Variants in HAVCR2 observed in about 807,000 individuals in gnomAD.
HAVCR2 encodes T cell immunoglobulin mucin 3.
In HAVCR2, 13 loss-of-function variants were observed where a neutral mutation model predicts 24.7. That is an observed-to-expected ratio of 0.53 (90% CI 0.34 to 0.84). The LOEUF (loss-of-function observed/expected upper bound fraction) is 0.84. Ranked by LOEUF, HAVCR2 falls within the 40% of genes least tolerant of loss-of-function variation. The pLI is 0.01. For missense variants in HAVCR2, 343 were observed against 371.2 expected (o/e 0.92, Z 0.62); for synonymous variants, 154 against 143.4 (o/e 1.07, Z -0.53).
chr5:157,095,537 G>A, intron 4 of HAVCR2, 78 bp from the exon 5 acceptor site: 1 of 1,508,676 alleles, frequency 6.6e-7, no homozygotes, highest in Non-Finnish European at 9.2e-7. Flanking sequence ...TTTGTGAATT[G>A]GACCATCCCT....
intron 1 of HAVCR2, chr5:157,107,206 G>C (rs1335034619): frequency 1.2e-5 from 6 of 489,028 alleles, no homozygotes; most frequent in Non-Finnish European, 1.5e-5. Context: ...GCCTGTGGTA[G>C]AGCCTGAGAA....
intron 5 of HAVCR2, 104 bp from the exon 6 acceptor site, chr5:157,089,081 G>GATGAGACCAGATT: frequency 2.1e-6 from 2 of 952,844 alleles, no homozygotes; most frequent in Non-Finnish European, 3.2e-6. Context: ...GGGAAATCTG[G>GATGAGACCAGATT]TCTCATCTCA....
intron 1 of HAVCR2, among the ~76,000 whole-genome samples, chr5:157,108,396 A>G (rs1210016882): frequency 1.3e-5 from 2 of 152,176 alleles, no homozygotes; most frequent in Non-Finnish European, 2.9e-5. Context: ...AGGCAGGAGA[A>G]TCACTTGAAC....
chr5:157,086,203 C>T lies in HAVCR2; in HGVS notation c.*899G>A, dbSNP rs1332613652. On this transcript the variant is annotated 3_prime_UTR_variant, in exon 7 of 7. Coordinates refer to ENST00000307851, the MANE Select transcript of HAVCR2 (RefSeq NM_032782.5). ...CCTGGGAGCTCCTGCCACATCTCAGCCCTGCAGGGCAGTCTTCATAAGGGA... is the reference window on the plus strand; with the variant it reads ...CCTGGGAGCTCCTGCCACATCTCAGTCCTGCAGGGCAGTCTTCATAAGGGA... The T allele has an allele frequency of 6.6e-6, 1 of 152,256 alleles. No homozygotes were observed. The allele number at this position is 152,256 out of a possible 1,614,324, so 9.4% of individuals were successfully genotyped here. A position where few individuals can be genotyped will look rare whatever the true frequency, so the allele number is the denominator to read the frequency against.
At chr5:157,099,325 C>T (rs1433927202) in intron 3 of HAVCR2, among the ~76,000 whole-genome samples, 2 of 151,960 alleles carry the variant, frequency 1.3e-5, no homozygotes, top group Non-Finnish European at 2.9e-5. Context: ...GGCATAATCT[C>T]AGCTCACCGC....
chr5:157,098,936 AATAGCCAATAGT>A, intron 3 of HAVCR2, 35 bp from the exon 4 acceptor site: 1 of 1,584,446 alleles, frequency 6.3e-7, no homozygotes, highest in South Asian at 1.1e-5. Flanking sequence ...AGAGAGGAAA[AATAGCCAATAGT>A]ATAGTTAAGA....
chr5:157,103,073 A>G (rs532981785), intron 3 of HAVCR2, among the ~76,000 whole-genome samples: 16 of 151,804 alleles, frequency 1.1e-4, no homozygotes, highest in Non-Finnish European at 1.9e-4. Flanking sequence ...TGATGTAGTA[A>G]AAAGTACTGG....
At chr5:157,102,901 C>T (rs1401339502) in intron 3 of HAVCR2, among the ~76,000 whole-genome samples, 3 of 147,634 alleles carry the variant, frequency 2.0e-5, no homozygotes, top group Non-Finnish European at 4.5e-5. Context: ...TGTCATTGCA[C>T]TCCAGCCTGG....
At chr5:157,094,027 A>G (rs1468367447) in intron 5 of HAVCR2, among the ~76,000 whole-genome samples, 1 of 149,466 alleles carries the variant, frequency 6.7e-6, no homozygotes, top group Non-Finnish European at 1.5e-5. Flanking sequence ...AAATTCATCA[A>G]CTTCAACACA....
intron 3 of HAVCR2, among the ~76,000 whole-genome samples, chr5:157,104,258 C>T (rs1476727879): frequency 6.6e-6 from 1 of 152,144 alleles, no homozygotes; most frequent in Non-Finnish European, 1.5e-5. Flanking sequence ...GGGCTTTATT[C>T]TAGCTAGAAG....
chr5:157,090,266 C>T (rs1756978928), intron 5 of HAVCR2, among the ~76,000 whole-genome samples: 1 of 150,316 alleles, frequency 6.7e-6, no homozygotes, highest in Non-Finnish European at 1.5e-5. Context: ...GTAGCTAGAA[C>T]TATAGGTGCA....
Position 157,088,921 on chromosome 5 carries a change from C to T in HAVCR2, c.713+20G>A. 2 of 1,603,676 alleles carry T rather than the reference C, an allele frequency of 1.2e-6. No individual in the cohort carries two copies. Among genetic ancestry groups the T allele is most frequent in the Non-Finnish European group, 1.7e-6 (2 of 1,172,360 alleles). ...TTCCAAGATTCTCACCTTTTCCCAACCCCATTCCATTATTCTTACCTTAAA... is the reference window on the plus strand; with the variant it reads ...TTCCAAGATTCTCACCTTTTCCCAATCCCATTCCATTATTCTTACCTTAAA... On this transcript the variant is annotated intron_variant, in intron 6 of 6. Transcript: ENST00000307851.
At chr5:157,102,934 C>CAAAAAAA (rs34491013) in intron 3 of HAVCR2, among the ~76,000 whole-genome samples, 2 of 119,406 alleles carry the variant, frequency 1.7e-5, no homozygotes, top group Non-Finnish European at 3.4e-5. Context: ...GACTCCGTCT[C>CAAAAAAA]AAAAAAAAAA....
intron 3 of HAVCR2, among the ~76,000 whole-genome samples, chr5:157,099,813 A>C (rs1005142948): frequency 2.0e-5 from 3 of 152,090 alleles, no homozygotes; most frequent in African/African-American, 4.8e-5. Context: ...CTCCTGCCTC[A>C]GCCTCCCTGG....
At chr5:157,098,370 G>A (rs1438897790) in intron 4 of HAVCR2, among the ~76,000 whole-genome samples, 1 of 150,504 alleles carries the variant, frequency 6.6e-6, no homozygotes, top group Non-Finnish European at 1.5e-5. Context: ...TCACACCCTT[G>A]CACTCCAGCC....
At chr5:157,107,889 G>A (rs1350031778) in intron 1 of HAVCR2, among the ~76,000 whole-genome samples, 1 of 135,142 alleles carries the variant, frequency 7.4e-6, no homozygotes, top group Non-Finnish European at 1.5e-5. Flanking sequence ...TGAAAACTGA[G>A]TGCTTCTCAA....
intron 3 of HAVCR2, among the ~76,000 whole-genome samples, chr5:157,101,941 A>ATTTTT (rs869260432): frequency 4.6e-4 from 38 of 83,060 alleles, no homozygotes; most frequent in African/African-American, 1.4e-3. Context: ...ATGCCCGGCT[A>ATTTTT]TTTTTTTTTT....
At chr5:157,087,770 G>T (rs1328193484) in intron 6 of HAVCR2, among the ~76,000 whole-genome samples, 1 of 151,838 alleles carries the variant, frequency 6.6e-6, no homozygotes, top group Non-Finnish European at 1.5e-5. Context: ...CCAGCGTGGT[G>T]GCATGCACCT....
intron 6 of HAVCR2, among the ~76,000 whole-genome samples, chr5:157,088,327 T>A (rs1756943390): frequency 6.6e-6 from 1 of 152,204 alleles, no homozygotes; most frequent in Admixed American, 6.5e-5. Context: ...TGTGTGGGTG[T>A]GTATAATCAG....
Sources: gnomAD v4.1 joint callset for allele counts (sites outside exome capture counted in the v4.1 genomes callset) on GRCh38, gnomAD v4.1.1 for gene constraint, MANE v1.5 for transcripts, NCBI Gene and HGNC (gene_info 2026-07-23, HGNC 2026-07-21) for gene names.